FSTL5: variants seen among roughly 807,000 people sequenced by gnomAD.
The protein encoded by FSTL5 is follistatin like 5.
FSTL5 carries 62 observed loss-of-function variants against 89.1 expected under a neutral mutation model. The observed-to-expected ratio is 0.70, with a 90% CI of 0.57 to 0.86. FSTL5 has a LOEUF of 0.86. FSTL5 is among the 40% of genes least tolerant of loss of function. The probability of loss-of-function intolerance (pLI) is 0.00; values close to 1 mark genes in which losing one functional copy is unlikely to be tolerated. For missense variants in FSTL5, 1,057 were observed against 1,001.6 expected, an observed-to-expected ratio of 1.06 and a Z score of -0.75; for synonymous variants, 383 against 346.2, an observed-to-expected ratio of 1.11 and a Z score of -1.18.
chr4:161,554,459 A>AT (rs199819761), intron 8 of FSTL5, among the ~76,000 whole-genome samples: 11,296 of 151,498 alleles, frequency 0.075, 524 homozygotes, highest in Middle Eastern at 0.17. Flanking sequence ...TCATACACTG[A>AT]TCTTTCTTTA....
At chr4:161,795,685 T>C (rs1729611732) in intron 4 of FSTL5, among the ~76,000 whole-genome samples, 2 of 152,058 alleles carry the variant, frequency 1.3e-5, no homozygotes, top group Non-Finnish European at 1.5e-5. Context: ...GGAAATTCGG[T>C]TTACCCAGCA....
intron 8 of FSTL5, among the ~76,000 whole-genome samples, chr4:161,545,693 G>C (rs900705770): frequency 4.6e-5 from 7 of 151,894 alleles, no homozygotes; most frequent in African/African-American, 1.7e-4. Flanking sequence ...TGGGTTACTA[G>C]TTGCATTCCA....
In FSTL5 at chr4:161,501,020, C is replaced by T. The variant is rs1578881081; in HGVS notation, c.1340-886G>A. ...CCTTTTCTGGTCCTTGCCTATATAG[C>T]TCTTTTGACCTGTTATATTGGTTTA... On this transcript the variant is annotated intron_variant, in intron 11 of 15. Transcript: ENST00000306100. 2.0e-5 allele frequency among the ~76,000 whole-genome samples: 3 copies of T among 152,198 alleles called. No homozygotes were observed. The East Asian group carries it at 5.8e-4, about 29-fold the overall frequency.
At chr4:161,441,831 A>C (rs2126369472) in intron 15 of FSTL5, among the ~76,000 whole-genome samples, 1 of 152,218 alleles carries the variant, frequency 6.6e-6, no homozygotes, top group East Asian at 1.9e-4. Flanking sequence ...ACTGTTAAAC[A>C]ATAAAACAGT....
intron 8 of FSTL5, among the ~76,000 whole-genome samples, chr4:161,551,066 C>A (rs1002600157): frequency 5.9e-5 from 9 of 151,994 alleles, no homozygotes; most frequent in African/African-American, 1.9e-4. Flanking sequence ...GTCTTTATAG[C>A]AGCATGATTT....
intron 1 of FSTL5, among the ~76,000 whole-genome samples, chr4:162,162,564 T>C (rs928313900): frequency 2.0e-5 from 3 of 152,062 alleles, no homozygotes; most frequent in Non-Finnish European, 4.4e-5. Context: ...GTCAAAGTCA[T>C]GAATAGTAAT....
intron 3 of FSTL5, among the ~76,000 whole-genome samples, chr4:162,031,150 G>A (rs1737505571): frequency 6.6e-6 from 1 of 152,122 alleles, no homozygotes; most frequent in Admixed American, 6.6e-5. Context: ...TTTAACAAAT[G>A]TTTTATGTGT....
At chr4:161,608,688 C>A (rs1734539352) in intron 7 of FSTL5, among the ~76,000 whole-genome samples, 1 of 151,734 alleles carries the variant, frequency 6.6e-6, no homozygotes, top group South Asian at 2.1e-4. Context: ...ATGTAAATAT[C>A]TATAAAATAT....
chr4:161,899,499 G>A (rs1733281604), intron 4 of FSTL5, among the ~76,000 whole-genome samples: 4 of 152,130 alleles, frequency 2.6e-5, no homozygotes, highest in Admixed American at 1.3e-4. Flanking sequence ...GTCATCAAAA[G>A]GCCTACAGTT....
intron 3 of FSTL5, among the ~76,000 whole-genome samples, chr4:161,934,030 A>G (rs1734363996): frequency 6.6e-6 from 1 of 151,970 alleles, no homozygotes; most frequent in Admixed American, 6.6e-5. Context: ...TTTTCTTCCC[A>G]TCATTTGATG....
chr4:161,911,566 TAAAG>T (rs1579187500), intron 4 of FSTL5, among the ~76,000 whole-genome samples: 1 of 152,118 alleles, frequency 6.6e-6, no homozygotes, highest in East Asian at 1.9e-4. Flanking sequence ...TAAAGGCACT[TAAAG>T]AAACAAGTTC....
At chr4:161,776,347 T>C (rs1193962137) in intron 4 of FSTL5, among the ~76,000 whole-genome samples, 2 of 152,138 alleles carry the variant, frequency 1.3e-5, no homozygotes, top group South Asian at 2.1e-4. Flanking sequence ...TAGAAAAACA[T>C]GATAGCTCCA....
intron 3 of FSTL5, among the ~76,000 whole-genome samples, chr4:161,974,639 C>T (rs36185153): frequency 0.1 from 12,621 of 121,400 alleles, 707 homozygotes; most frequent in East Asian, 0.2. Flanking sequence ...GACCTAAAAC[C>T]ATAAAAACCC....
intron 15 of FSTL5, among the ~76,000 whole-genome samples, chr4:161,401,816 C>T (rs1208845865): frequency 6.6e-6 from 1 of 152,050 alleles, no homozygotes; most frequent in Non-Finnish European, 1.5e-5. Flanking sequence ...CATGAGCCAC[C>T]GCACCCAGCC....
At chr4:161,883,634 T>C (rs958907162) in intron 4 of FSTL5, among the ~76,000 whole-genome samples, 4 of 152,180 alleles carry the variant, frequency 2.6e-5, no homozygotes, top group African/African-American at 9.7e-5. Flanking sequence ...TTTATTTAAA[T>C]AAAATTTTAT....
At chr4:161,542,217 G>T (rs1199743469) in intron 9 of FSTL5, among the ~76,000 whole-genome samples, 1 of 151,710 alleles carries the variant, frequency 6.6e-6, no homozygotes, top group African/African-American at 2.4e-5. Flanking sequence ...TTCTATAAAA[G>T]AATCTAATTA....
chr4:161,761,202 C>A (rs1299595303), intron 5 of FSTL5, among the ~76,000 whole-genome samples: 1 of 152,136 alleles, frequency 6.6e-6, no homozygotes, highest in Non-Finnish European at 1.5e-5. Flanking sequence ...CACAGTCCAG[C>A]TGGATGGATT....
intron 2 of FSTL5, among the ~76,000 whole-genome samples, chr4:162,046,016 A>G (rs191938885): frequency 1.3e-5 from 2 of 152,118 alleles, no homozygotes; most frequent in Admixed American, 1.3e-4. Context: ...TATCCTGTCT[A>G]TCTCATTTTT....
At chr4:161,775,758 A>C (rs925897767) in intron 5 of FSTL5, 120 bp downstream of exon 5, 2 of 510,402 alleles carry the variant, frequency 3.9e-6, no homozygotes, top group African/African-American at 2.0e-5. Context: ...TGTTATTCAT[A>C]TACTTTTCAA....
Sources: gnomAD v4.1 joint callset for allele counts (sites outside exome capture counted in the v4.1 genomes callset) on GRCh38, gnomAD v4.1.1 for gene constraint, MANE v1.5 for transcripts, NCBI Gene and HGNC (gene_info 2026-07-23, HGNC 2026-07-21) for gene names.